ADGRL3: variants seen among roughly 807,000 people sequenced by gnomAD.
ADGRL3 encodes the protein adhesion G protein-coupled receptor L3.
ADGRL3 carries 62 observed loss-of-function variants against 153.5 expected under a neutral mutation model. That is an observed-to-expected ratio of 0.40 (90% CI 0.33 to 0.50). ADGRL3 has a LOEUF of 0.50. Among genes scored for constraint, ADGRL3 ranks in the 20% least tolerant of loss-of-function variants. The pLI is 0.47. For synonymous variants in ADGRL3, 710 were observed against 672.5 expected (o/e 1.06, Z -0.86); for missense variants, 1,641 against 1,859.4 (o/e 0.88, Z 2.16).
chr4:61,685,890 C>A (rs1395211290), intron 6 of ADGRL3, among the ~76,000 whole-genome samples: 2 of 151,660 alleles, frequency 1.3e-5, no homozygotes, highest in Non-Finnish European at 2.9e-5. Flanking sequence ...TCAAATAAAC[C>A]AAATATCAGA....
At chr4:61,442,579 A>C (rs1208993521) in intron 2 of ADGRL3, among the ~76,000 whole-genome samples, 1 of 152,126 alleles carries the variant, frequency 6.6e-6, no homozygotes, top group Non-Finnish European at 1.5e-5. Context: ...TAAGAGGAAG[A>C]AGGCAGTTAT....
intron 8 of ADGRL3, among the ~76,000 whole-genome samples, chr4:61,764,775 G>T (rs1240354025): frequency 1.3e-5 from 2 of 151,956 alleles, no homozygotes; most frequent in Non-Finnish European, 2.9e-5. Context: ...TTTGGGGGTG[G>T]TATGGAGAGA....
At chr4:61,280,353 C>A (rs1482317315) in intron 1 of ADGRL3, among the ~76,000 whole-genome samples, 1 of 151,940 alleles carries the variant, frequency 6.6e-6, no homozygotes, top group African/African-American at 2.4e-5. Flanking sequence ...ATGATCCACC[C>A]ACCTTGGCCT....
At chr4:61,676,180 G>C (rs927450398) in intron 5 of ADGRL3, among the ~76,000 whole-genome samples, 1 of 151,708 alleles carries the variant, frequency 6.6e-6, no homozygotes, top group Non-Finnish European at 1.5e-5. Flanking sequence ...TTTGACCTTT[G>C]TGATAAGTAA....
rs900180395 is a variant in ADGRL3, at chr4:62,071,716, T to A, written c.*808T>A. 3 of 428,086 alleles carry A rather than the reference T, an allele frequency of 7.0e-6. No individual in the cohort carries two copies. Among genetic ancestry groups the A allele is most frequent in the African/African-American group, 6.2e-5 (3 of 48,034 alleles). The allele number at this position is 428,086 out of a possible 1,614,324, so 26.5% of individuals were successfully genotyped here. A position where few individuals can be genotyped will look rare whatever the true frequency, so the allele number is the denominator to read the frequency against. ...TACCAGTAAGAGAGCAAAGTTTCCT[T>A]CCTTTCTTCTCTTTCTTCATTTTCT... On this transcript the variant is annotated 3_prime_UTR_variant, in exon 27 of 27. Coordinates refer to ENST00000683033, the MANE Select transcript of ADGRL3 (RefSeq NM_001387552.1).
rs548346601 is a variant in ADGRL3 at position 61,986,254 on chromosome 4, A to G, written c.3236+2651A>G. On this transcript the variant is annotated intron_variant, in intron 19 of 26. Transcript: ENST00000683033. ...TTTGTGACCTTATGCTATTTCAAAT[A>G]TTGTTGCTAAGTAGCTCCATTTTGC... Among the ~76,000 whole-genome samples the G allele has an allele frequency of 7.9e-5, 12 of 152,272 alleles. No individual in the cohort carries two copies. The East Asian group carries it at 1.9e-3, about 24-fold the overall frequency.
intron 9 of ADGRL3, among the ~76,000 whole-genome samples, chr4:61,855,037 A>G (rs1025888687): frequency 6.6e-6 from 1 of 152,182 alleles, no homozygotes; most frequent in African/African-American, 2.4e-5. Flanking sequence ...AGAAGATATG[A>G]CAACTGAATA....
chr4:61,814,325 T>C (rs2097664471), intron 9 of ADGRL3, among the ~76,000 whole-genome samples: 1 of 152,098 alleles, frequency 6.6e-6, no homozygotes, highest in Non-Finnish European at 1.5e-5. Flanking sequence ...AGTCATTTTA[T>C]ATTAACATCA....
chr4:62,068,047 T>C (rs1027105518), intron 25 of ADGRL3, 119 bp from the exon 26 acceptor site: 2 of 559,196 alleles, frequency 3.6e-6, no homozygotes, highest in Admixed American at 3.5e-5. Flanking sequence ...CAGTGGAAAT[T>C]ATTTCCTTTG....
At chr4:62,057,750 T>G (rs1336749737) in intron 25 of ADGRL3, among the ~76,000 whole-genome samples, 1 of 152,174 alleles carries the variant, frequency 6.6e-6, no homozygotes, top group African/African-American at 2.4e-5. Flanking sequence ...TGATCTCAAC[T>G]AACTGCAACC....
intron 2 of ADGRL3, among the ~76,000 whole-genome samples, chr4:61,489,199 A>G (rs1486289044): frequency 1.3e-5 from 2 of 151,956 alleles, no homozygotes; most frequent in Non-Finnish European, 2.9e-5. Context: ...TAGAAAATTT[A>G]AGTAATCTGC....
chr4:62,003,459 A>T (rs1209139053), intron 21 of ADGRL3, among the ~76,000 whole-genome samples: 1 of 152,108 alleles, frequency 6.6e-6, no homozygotes, highest in Non-Finnish European at 1.5e-5. Flanking sequence ...TCAGTCCTGT[A>T]ATGTTTACAC....
rs1039187014 is a variant in ADGRL3 at position 61,201,091 on chromosome 4, C to G, written c.-914C>G. ...GGACGGTTTGGCGGAGAAGCCACCC[C>G]TGGCCCTCGCGGCTCCCCCTACCTA... On this transcript the variant is annotated 5_prime_UTR_variant, in exon 1 of 27. Transcript: ENST00000683033. 2.6e-5 allele frequency among the ~76,000 whole-genome samples: 4 copies of G among 152,116 alleles called. No individual in the cohort carries two copies. The highest frequency in any genetic ancestry group is 4.4e-5 in the Non-Finnish European group (3 of 68,012).
intron 25 of ADGRL3, among the ~76,000 whole-genome samples, chr4:62,048,307 G>A (rs1179091327): frequency 6.6e-6 from 1 of 151,848 alleles, no homozygotes; most frequent in African/African-American, 2.4e-5. Flanking sequence ...CTGTTGCCCA[G>A]GCTGGAGTTC....
intron 5 of ADGRL3, among the ~76,000 whole-genome samples, chr4:61,599,822 C>T (rs2099003711): frequency 6.6e-6 from 1 of 152,144 alleles, no homozygotes; most frequent in Admixed American, 6.5e-5. Context: ...GCAGCCACTT[C>T]TGAGGCCTTC....
chr4:61,592,042 A>C (rs1277190435), intron 5 of ADGRL3, among the ~76,000 whole-genome samples: 1 of 144,410 alleles, frequency 6.9e-6, no homozygotes, highest in South Asian at 2.2e-4. Context: ...ATAAAACCGC[A>C]CTTAGCCTGG....
intron 17 of ADGRL3, among the ~76,000 whole-genome samples, chr4:61,974,234 G>A (rs937776664): frequency 2.6e-5 from 4 of 152,148 alleles, no homozygotes; most frequent in African/African-American, 7.2e-5. Flanking sequence ...CTCCCAAAGC[G>A]CTGGGATTAT....
In ADGRL3 at chr4:61,732,973, G is replaced by A. The variant is rs953761620; in HGVS notation, c.818G>A (p.Arg273Lys). ...RPTTTYKLPH[R>K]VDGTGFVVYD... Reference sequence around the variant, plus strand: ...ACTACAACCTACAAGCTCCCTCACAGGGTGGATGGCACAGGATTTGTAGTG... The same window carrying A: ...ACTACAACCTACAAGCTCCCTCACAAGGTGGATGGCACAGGATTTGTAGTG... The change falls in exon 8 of 27, where the codon AGG becomes AAG. Residue 273 changes from arginine (R) to lysine (K), a missense_variant. Arg to Lys is a conservative substitution (Grantham distance 26, BLOSUM62 2). Coordinates refer to ENST00000683033, the MANE Select transcript of ADGRL3 (RefSeq NM_001387552.1). The A allele has an allele frequency of 6.2e-7, 1 of 1,613,586 alleles. No homozygotes were observed. Among genetic ancestry groups the A allele is most frequent in the African/African-American group, 1.3e-5 (1 of 74,886 alleles).
Position 61,905,475 on chromosome 4 carries a change from T to C in ADGRL3, c.1888-4085T>C, listed in dbSNP as rs117790577. Among the ~76,000 whole-genome samples, 192 of 152,312 alleles carry C rather than the reference T, an allele frequency of 1.3e-3. 4 individuals are homozygous for C. The East Asian group carries it at 0.033, about 26-fold the overall frequency. On this transcript the variant is annotated intron_variant, in intron 11 of 26. Transcript: ENST00000683033. ...CTACTTTGATCTACATTGAGTTTGT[T>C]ACATACATATCCTTGAACCCTATAA...
Sources: allele counts gnomAD v4.1 joint callset (sites outside exome capture counted in the v4.1 genomes callset), GRCh38; gene constraint gnomAD v4.1.1; transcripts MANE v1.5; gene names NCBI Gene and HGNC (gene_info 2026-07-23, HGNC 2026-07-21).